The following PIAS1 variants were observed in gnomAD, a reference collection of about 807,000 sequenced individuals.
The protein encoded by PIAS1 is protein inhibitor of activated STAT 1, also known as E3 SUMO-protein ligase PIAS1.
A neutral mutation model predicts 71.3 loss-of-function variants in PIAS1; 6 were observed. The observed-to-expected ratio is 0.08, with a 90% CI of 0.05 to 0.17. PIAS1 has a LOEUF of 0.17. Among genes scored for constraint, PIAS1 ranks in the 10% least tolerant of loss-of-function variants. The probability of loss-of-function intolerance (pLI) is 1.00; values close to 1 mark genes in which losing one functional copy is unlikely to be tolerated. For synonymous variants in PIAS1, 303 were observed against 292.9 expected (o/e 1.03, Z -0.35); for missense variants, 555 against 793.6 (o/e 0.70, Z 3.61).
chr15:68,115,429 A>G (rs1595736679), intron 2 of PIAS1, among the ~76,000 whole-genome samples: 1 of 152,216 alleles, frequency 6.6e-6, no homozygotes, highest in South Asian at 2.1e-4. Context: ...TCACCTTGCT[A>G]AATTCGATTG....
Position 68,083,517 on chromosome 15 carries a change from G to A in PIAS1, c.25-2789G>A, listed in dbSNP as rs1597146714. 2.0e-5 allele frequency among the ~76,000 whole-genome samples: 3 copies of A among 152,164 alleles called. No individual in the cohort carries two copies. The South Asian group carries it at 6.2e-4, about 32-fold the overall frequency. On this transcript the variant is annotated intron_variant, in intron 1 of 13. Transcript: ENST00000249636. ...GCCAGTTTTTAAAAGCCAAAATGTT[G>A]AAGCTTGAAATGGAGATTGAGTTAA...
At chr15:68,081,105 C>T (rs2092224145) in intron 1 of PIAS1, among the ~76,000 whole-genome samples, 1 of 152,118 alleles carries the variant, frequency 6.6e-6, no homozygotes. Flanking sequence ...GAACATGGCC[C>T]CTGCCTCTGT....
chr15:68,177,094 A>G (rs368804305), intron 11 of PIAS1, among the ~76,000 whole-genome samples: 3 of 152,156 alleles, frequency 2.0e-5, no homozygotes, highest in African/African-American at 4.8e-5. Flanking sequence ...AGCCTGGGCA[A>G]CATGGTGAAA....
At chr15:68,151,707 C>CACACACACACAA (rs140053964) in intron 6 of PIAS1, among the ~76,000 whole-genome samples, 53,917 of 134,092 alleles carry the variant, frequency 0.4, 12,611 homozygotes, top group East Asian at 0.69. Context: ...CACACACACA[C>CACACACACACAA]AAATTAGCTA....
intron 1 of PIAS1, among the ~76,000 whole-genome samples, chr15:68,073,169 C>G (rs1424395890): frequency 6.6e-6 from 1 of 152,112 alleles, no homozygotes; most frequent in African/African-American, 2.4e-5. Context: ...GTACCTGCCA[C>G]CACGCCCGGC....
intron 2 of PIAS1, among the ~76,000 whole-genome samples, chr15:68,110,074 T>G (rs2092508946): frequency 6.6e-6 from 1 of 152,200 alleles, no homozygotes; most frequent in Admixed American, 6.5e-5. Flanking sequence ...CCCAAATTCT[T>G]TGAACATGAA....
intron 2 of PIAS1, among the ~76,000 whole-genome samples, chr15:68,116,303 T>G (rs1042511678): frequency 2.0e-5 from 3 of 152,126 alleles, no homozygotes; most frequent in Non-Finnish European, 4.4e-5. Flanking sequence ...TCTTTTTTCT[T>G]AAGTAAACTT....
At chr15:68,060,284 A>C (rs562490246) in intron 1 of PIAS1, among the ~76,000 whole-genome samples, 1 of 152,174 alleles carries the variant, frequency 6.6e-6, no homozygotes, top group African/African-American at 2.4e-5. Flanking sequence ...TACAGGTGTG[A>C]GCCACCACGC....
At chr15:68,140,993 G>A (rs2092766146) in intron 2 of PIAS1, among the ~76,000 whole-genome samples, 1 of 152,076 alleles carries the variant, frequency 6.6e-6, no homozygotes, top group African/African-American at 2.4e-5. Flanking sequence ...GGGCTCATTA[G>A]TGAGCAAAAG....
At chr15:68,104,206 T>C (rs1351502020) in intron 2 of PIAS1, among the ~76,000 whole-genome samples, 1 of 152,202 alleles carries the variant, frequency 6.6e-6, no homozygotes, top group Non-Finnish European at 1.5e-5. Context: ...TTTTAAAAAC[T>C]CAGTCTTAAA....
intron 2 of PIAS1, among the ~76,000 whole-genome samples, chr15:68,104,034 C>T (rs4306484): frequency 0.38 from 57,279 of 152,004 alleles, 12,702 homozygotes; most frequent in East Asian, 0.79. Flanking sequence ...AGCAGCTGTA[C>T]CATTTATATT....
At chr15:68,077,413 A>C (rs146734953) in intron 1 of PIAS1, among the ~76,000 whole-genome samples, 1 of 152,354 alleles carries the variant, frequency 6.6e-6, no homozygotes, top group African/African-American at 2.4e-5. Context: ...TTGAAGGAAA[A>C]GAGTCCTTTT....
At chr15:68,124,764 G>A (rs908503330) in intron 2 of PIAS1, among the ~76,000 whole-genome samples, 1 of 152,030 alleles carries the variant, frequency 6.6e-6, no homozygotes, top group Non-Finnish European at 1.5e-5. Context: ...AGTTATAAAT[G>A]AATATAGTTT....
Position 68,191,692 on chromosome 15 carries a change from T to C in PIAS1, c.*3857T>C, listed in dbSNP as rs1339192524. On this transcript the variant is annotated 3_prime_UTR_variant, in exon 14 of 14. Coordinates refer to ENST00000249636, the MANE Select transcript of PIAS1 (RefSeq NM_016166.3). Reference sequence around the variant, plus strand: ...TCTTTAATAAATCACAGCATCTGTTTAGTATCTGCAGTTTGAATGCTAAGA... The same window carrying C: ...TCTTTAATAAATCACAGCATCTGTTCAGTATCTGCAGTTTGAATGCTAAGA... 1.3e-5 allele frequency: 2 copies of C among 152,518 alleles called. No individual in the cohort carries two copies. Among genetic ancestry groups the C allele is most frequent in the East Asian group, 1.9e-4 (1 of 5,200 alleles). The allele number at this position is 152,518 out of a possible 1,614,324, so 9.4% of individuals were successfully genotyped here. A position where few individuals can be genotyped will look rare whatever the true frequency, so the allele number is the denominator to read the frequency against.
chr15:68,155,609 C>T (rs2092883734), intron 7 of PIAS1, among the ~76,000 whole-genome samples: 1 of 152,072 alleles, frequency 6.6e-6, no homozygotes, highest in Non-Finnish European at 1.5e-5. Flanking sequence ...AAAATAAGTA[C>T]TTCTAGCAAA....
At chr15:68,172,196 G>T (rs2092995661) in intron 8 of PIAS1, among the ~76,000 whole-genome samples, 1 of 152,048 alleles carries the variant, frequency 6.6e-6, no homozygotes. Flanking sequence ...ACTTTGCTCA[G>T]AATGATGGTT....
chr15:68,055,564 T>G (rs1460183564), intron 1 of PIAS1, among the ~76,000 whole-genome samples: 1 of 152,044 alleles, frequency 6.6e-6, no homozygotes, highest in East Asian at 1.9e-4. Context: ...TTTGGTTTAG[T>G]AGCAGGCAGT....
intron 1 of PIAS1, among the ~76,000 whole-genome samples, chr15:68,081,784 A>G (rs905709873): frequency 6.6e-6 from 1 of 152,148 alleles, no homozygotes; most frequent in Non-Finnish European, 1.5e-5. Flanking sequence ...TCTGAATAAT[A>G]AGTGTATAAG....
chr15:68,118,338 A>G (rs1595739158), intron 2 of PIAS1, among the ~76,000 whole-genome samples: 1 of 151,348 alleles, frequency 6.6e-6, no homozygotes, highest in Non-Finnish European at 1.5e-5. Flanking sequence ...AAAAAAAAAT[A>G]ATAATAAATA....
Sources: gnomAD v4.1 joint callset for allele counts (sites outside exome capture counted in the v4.1 genomes callset) on GRCh38, gnomAD v4.1.1 for gene constraint, MANE v1.5 for transcripts, NCBI Gene and HGNC (gene_info 2026-07-23, HGNC 2026-07-21) for gene names.